Variants in SPDYE1 observed in about 807,000 individuals in gnomAD.
SPDYE1 encodes the protein speedy/RINGO cell cycle regulator family member E1, also known as speedy protein E1.
Under a neutral mutation model 45.9 loss-of-function variants are expected in SPDYE1, and 29 were observed. The observed-to-expected ratio is 0.63, with a 90% CI of 0.47 to 0.86. The LOEUF (loss-of-function observed/expected upper bound fraction) is 0.86, where lower values mean the gene tolerates loss of function less well. Ranked by LOEUF, SPDYE1 falls within the 40% of genes least tolerant of loss-of-function variation. The pLI is 0.00. For synonymous variants in SPDYE1, 134 were observed against 176.8 expected (o/e 0.76, Z 1.92); for missense variants, 346 against 481.4 (o/e 0.72, Z 2.63).
chr7:44,007,428 A>C lies in SPDYE1; in HGVS notation c.913A>C (p.Ile305Leu). Reference protein sequence around the residue: ...NPRARKNRSHIPLVRKRRFQL... With the variant: ...NPRARKNRSHLPLVRKRRFQL... The stretch of plus-strand genomic sequence containing the variant: ...GAGGGCCAGGAAGAACCGCTCTCAC[A>C]TACCCTTGGTCCGTAAGCGTCGGTT... Residue 305 changes from isoleucine to leucine, a missense_variant, in exon 7 of 9, where the codon ATA becomes CTA. Physicochemically the swap from Ile to Leu is conservative, Grantham distance 5. Transcript: ENST00000693451. 1 of 1,612,202 alleles carries C rather than the reference A, an allele frequency of 6.2e-7. No homozygotes were observed. Among genetic ancestry groups the C allele is most frequent in the Non-Finnish European group, 8.5e-7 (1 of 1,179,218 alleles).
intron 4 of SPDYE1, 30 bp downstream of exon 4, chr7:44,002,847 A>G (rs773215226): frequency 1.1e-5 from 15 of 1,307,464 alleles, no homozygotes; most frequent in Non-Finnish European, 1.5e-5. Flanking sequence ...AGCACCTCCA[A>G]TCCTGTTCTT....
Position 44,008,777 on chromosome 7 carries a change from C to A in SPDYE1, c.*156C>A, listed in dbSNP as rs1178534258. The A allele has an allele frequency of 8.7e-7, 1 of 1,151,528 alleles. No homozygotes were observed. Among genetic ancestry groups the A allele is most frequent in the African/African-American group, 1.7e-5 (1 of 58,876 alleles). The allele number at this position is 1,151,528 out of a possible 1,614,324, so 71.3% of individuals were successfully genotyped here. ...CATTTGTGCAGATCATCTAGAAGAA[C>A]CTGGACCATTCTTGATGGAGCTGAA... On this transcript the variant is annotated 3_prime_UTR_variant, in exon 9 of 9. Coordinates refer to ENST00000693451, the MANE Select transcript of SPDYE1 (RefSeq NM_001378423.2).
chr7:44,000,245 C>T (rs1457780309), intron 2 of SPDYE1, 136 bp downstream of exon 2: 1 of 959,824 alleles, frequency 1.0e-6, no homozygotes, highest in South Asian at 4.9e-5. Context: ...GTCAGGAGTT[C>T]AAGGCCAGCC....
chr7:44,002,319 CAA>C (rs57275170), intron 3 of SPDYE1, among the ~76,000 whole-genome samples: 1 of 43,328 alleles, frequency 2.3e-5, no homozygotes, highest in Admixed American at 3.0e-4. Context: ...ACAACAACAA[CAA>C]AAAAAAAAAA....
intron 8 of SPDYE1, among the ~76,000 whole-genome samples, chr7:44,008,103 C>T (rs1398232757): frequency 6.6e-6 from 1 of 152,194 alleles, no homozygotes; most frequent in Non-Finnish European, 1.5e-5. Flanking sequence ...CAAAAATAAT[C>T]ATAAATACTG....
rs1271589609 is a variant in SPDYE1 at position 44,001,244 on chromosome 7, C to A, written c.339C>A (p.Pro113=). The change falls in exon 3 of 9, where the codon CCC becomes CCA. Residue 113 remains proline, a synonymous_variant. Transcript: ENST00000693451. ...AGCTGAAGCAACAGCGAGTGTCACC[C>A]ATCCTCCTTGAGCACCACAAGGACT... is the stretch of plus-strand genomic sequence containing the variant. ...KMKLKQQRVS[P]ILLEHHKDFN... is the part of the protein sequence containing the mutation. 8.8e-6 allele frequency: 14 copies of A among 1,597,784 alleles called. No individual in the cohort carries two copies. Among genetic ancestry groups the A allele is most frequent in the Middle Eastern group, 2.2e-4 (1 of 4,486 alleles).
rs199834039 is a variant in SPDYE1 at position 44,007,216 on chromosome 7, G to A, written c.753-52G>A. The stretch of plus-strand genomic sequence containing the variant: ...CCTCTCTGGGAAGCTGACCTCAGCC[G>A]GAGGTCTCTCCTGGTGGTGCCCCTG... On this transcript the variant is annotated intron_variant, in intron 6 of 8. Transcript: ENST00000693451. The A allele has an allele frequency of 3.6e-3, 5,829 of 1,612,062 alleles. 16 individuals carry two copies. The highest frequency in any genetic ancestry group is 8.7e-3 in the Admixed American group (525 of 60,014).
rs774825142 is a variant in SPDYE1, at chr7:44,001,163, C to T, written c.258C>T (p.Leu86=). 20 of 1,598,180 alleles carry T rather than the reference C, an allele frequency of 1.3e-5. No individual in the cohort carries two copies. The highest frequency in any genetic ancestry group is 1.9e-4 in the Middle Eastern group (1 of 5,186). ...DESEEEPEKE[L]APEPEETWVV... The stretch of plus-strand genomic sequence containing the variant: ...CTGAGGAGGAGCCGGAGAAGGAGCT[C>T]GCCCCTGAGCCTGAGGAGACCTGGG... The change falls in exon 3 of 9, where the codon CTC becomes CTT. Residue 86 remains leucine (L), a synonymous_variant. Transcript: ENST00000693451.
chr7:44,002,957 C>G, intron 4 of SPDYE1, 140 bp downstream of exon 4: 1 of 545,072 alleles, frequency 1.8e-6, no homozygotes, highest in Non-Finnish European at 3.1e-6. Flanking sequence ...AGTGATCACT[C>G]ATGAGGGACA....
In SPDYE1 at chr7:44,004,950, C is replaced by T; in HGVS notation, c.667-192C>T. On this transcript the variant is annotated intron_variant, in intron 5 of 8. Transcript: ENST00000693451. The stretch of plus-strand genomic sequence containing the variant: ...GGGAGCATCACCCAAAACCCTTCCT[C>T]TGGCTTCTCGGATTTGCATCCGACC... 5 of 678,984 alleles carry T rather than the reference C, an allele frequency of 7.4e-6. No homozygotes were observed. In the South Asian group the frequency reaches 8.4e-5, roughly 11 times the overall value. The allele number at this position is 678,984 out of a possible 1,614,324, so 42.1% of individuals were successfully genotyped here. A position where few individuals can be genotyped will look rare whatever the true frequency, so the allele number is the denominator to read the frequency against.
intron 2 of SPDYE1, 33 bp from the exon 3 acceptor site, chr7:44,001,033 A>G (rs749333039): frequency 6.3e-7 from 1 of 1,597,230 alleles, no homozygotes; most frequent in Non-Finnish European, 8.5e-7. Context: ...CAGATGCAGA[A>G]GCATTACACA....
rs369605492 is a variant in SPDYE1 at position 44,005,253 on chromosome 7, G to A, written c.752+26G>A. The A allele has an allele frequency of 2.6e-4, 411 of 1,611,072 alleles. 1 individual carries two copies. The African/African-American group carries it at 4.5e-3, about 18-fold the overall frequency. On this transcript the variant is annotated intron_variant, in intron 6 of 8. Transcript: ENST00000693451. ...GTGAGTGGTTTGCTGCCTCCTATCC[G>A]TCAATATCCAATGCCCTGGGACAGC...
intron 3 of SPDYE1, 138 bp from the exon 4 acceptor site, chr7:44,002,451 CA>C (rs2096064973): frequency 1.1e-6 from 1 of 869,648 alleles, no homozygotes; most frequent in Admixed American, 2.2e-5. Context: ...GCAGAGGAGA[CA>C]GACAGAAGGA....
In SPDYE1 at chr7:44,001,294, C is replaced by T. The variant is rs1268804183; in HGVS notation, c.379+10C>T. On this transcript the variant is annotated intron_variant, in intron 3 of 8. Coordinates refer to ENST00000693451, the MANE Select transcript of SPDYE1 (RefSeq NM_001378423.2). The stretch of plus-strand genomic sequence containing the variant: ...TTCAACAGTCAGCTTGGTAGGAGGA[C>T]ACCCCAGAGAGCACCTCCAATCCTG... 6.3e-6 allele frequency: 10 copies of T among 1,597,400 alleles called. No individual in the cohort carries two copies. The highest frequency in any genetic ancestry group is 8.5e-6 in the Non-Finnish European group (10 of 1,179,848).
intron 1 of SPDYE1, among the ~76,000 whole-genome samples, chr7:43,999,198 T>C (rs2096059295): frequency 6.6e-6 from 1 of 152,186 alleles, no homozygotes; most frequent in Non-Finnish European, 1.5e-5. Context: ...ATTGGAAATA[T>C]GTGTGAGCTC....
At chr7:44,008,616 T>C in intron 8 of SPDYE1, 51 bp from the exon 9 acceptor site, 3 of 1,219,248 alleles carry the variant, frequency 2.5e-6, no homozygotes, top group Non-Finnish European at 3.1e-6. Flanking sequence ...ATAACCTTCC[T>C]GTCTAGAGAG....
intron 8 of SPDYE1, 195 bp downstream of exon 8, chr7:44,008,008 T>G: frequency 7.1e-7 from 1 of 1,400,610 alleles, no homozygotes; most frequent in Non-Finnish European, 9.5e-7. Flanking sequence ...GCGGGAGGAT[T>G]GCTGGAGCCT....
At position 44,005,201 on chromosome 7, in the gene SPDYE1, C is replaced by A; in HGVS notation, c.726C>A (p.Tyr242Ter). 6.2e-7 allele frequency: 1 copy of A among 1,612,026 alleles called. No individual in the cohort carries two copies. The highest frequency in any genetic ancestry group is 1.3e-5 in the African/African-American group (1 of 74,984). ...FSRAGFPSWQ[Y>*]QRLHFFLALY... ...GAGCCGGCTTCCCCTCCTGGCAATA[C>A]CAACGCCTTCATTTCTTCCTGGCTC... is the stretch of plus-strand genomic sequence containing the variant. The change falls in exon 6 of 9, where the codon TAC becomes TAA. Residue 242 changes from tyrosine to a stop codon, truncating the protein, a stop_gained. Transcript: ENST00000693451. LOFTEE classifies it high-confidence loss of function.
Position 43,999,888 on chromosome 7 carries a change from C to A in SPDYE1, c.-62C>A, listed in dbSNP as rs1431904447. 2.1e-6 allele frequency: 2 copies of A among 975,444 alleles called. No homozygotes were observed. The highest frequency in any genetic ancestry group is 2.4e-6 in the Non-Finnish European group (2 of 825,850). The allele number at this position is 975,444 out of a possible 1,614,324, so 60.4% of individuals were successfully genotyped here. A position where few individuals can be genotyped will look rare whatever the true frequency, so the allele number is the denominator to read the frequency against. ...CAGAGCTGTTCTCCACTCCTGACTT[C>A]TCCTAGGCTTGAGAATTGATAACAT... On this transcript the variant is annotated 5_prime_UTR_variant, in exon 2 of 9. Coordinates refer to ENST00000693451, the MANE Select transcript of SPDYE1 (RefSeq NM_001378423.2).
Sources: allele counts gnomAD v4.1 joint callset (sites outside exome capture counted in the v4.1 genomes callset), GRCh38; gene constraint gnomAD v4.1.1; transcripts MANE v1.5; gene names NCBI Gene and HGNC (gene_info 2026-07-23, HGNC 2026-07-21).